The following HBS1L variants were observed in gnomAD, a reference collection of about 807,000 sequenced individuals.
HBS1L encodes the protein HBS1-like protein.
A neutral mutation model predicts 88.9 loss-of-function variants in HBS1L; 55 were observed. The observed-to-expected ratio is 0.62, with a 90% CI of 0.50 to 0.77. The LOEUF is 0.77. Among genes scored for constraint, HBS1L ranks in the 30% least tolerant of loss-of-function variants. HBS1L has a pLI of 0.00. For synonymous variants in HBS1L, 267 were observed against 288.5 expected (o/e 0.93, Z 0.76); for missense variants, 741 against 829.3 (o/e 0.89, Z 1.31).
chr6:134,973,099 C>T (rs1191118515), intron 15 of HBS1L, among the ~76,000 whole-genome samples: 1 of 152,208 alleles, frequency 6.6e-6, no homozygotes, highest in African/African-American at 2.4e-5. Context: ...TAGGCATATG[C>T]CCAAAAGAAT....
chr6:135,002,646 T>C (rs767124012), intron 5 of HBS1L, 88 bp downstream of exon 5: 7 of 743,992 alleles, frequency 9.4e-6, no homozygotes, highest in African/African-American at 3.7e-5. Flanking sequence ...TTATGCGAAA[T>C]TGAAACAGTC....
chr6:134,982,582 C>A lies in HBS1L; in HGVS notation c.1493-20G>T. On this transcript the variant is annotated intron_variant, in intron 12 of 17. Transcript: ENST00000367837. ...CTTGATCTGCAAAACATACCAAAATCTTATGGTTCATACAGCAATGTTATC... is the reference window on the plus strand; with the variant it reads ...CTTGATCTGCAAAACATACCAAAATATTATGGTTCATACAGCAATGTTATC... 7.2e-7 allele frequency: 1 copy of A among 1,395,564 alleles called. No homozygotes were observed. The highest frequency in any genetic ancestry group is 1.0e-6 in the Non-Finnish European group (1 of 982,812). 86.4% of individuals were successfully genotyped at this position (1,395,564 alleles called of 1,614,324 possible). A position where few individuals can be genotyped will look rare whatever the true frequency, so the allele number is the denominator to read the frequency against.
intron 4 of HBS1L, chr6:135,036,467 G>T (rs951339113): frequency 7.3e-7 from 1 of 1,363,756 alleles, no homozygotes; most frequent in African/African-American, 1.5e-5. Context: ...ATAAAAATCA[G>T]AATTTGAATC....
rs564061260 is a variant in HBS1L, at chr6:134,997,449, C to T, written c.747G>A (p.Ala249=). 310 of 1,614,038 alleles carry T rather than the reference C, an allele frequency of 1.9e-4. 6 individuals carry two copies. The South Asian group carries it at 2.2e-3, about 11-fold the overall frequency. The change falls in exon 6 of 18, where the codon GCG becomes GCA. Residue 249 remains alanine, a synonymous_variant. Coordinates refer to ENST00000367837, the MANE Select transcript of HBS1L (RefSeq NM_006620.4). ...GKLRQQIDVK[A]ELEKRQGGKQ... Reference sequence around the variant, plus strand: ...TCCCTCCTTGCCGCTTCTCCAGTTCCGCCTTCACATCTATTTGCTGCCTCA... The same window carrying T: ...TCCCTCCTTGCCGCTTCTCCAGTTCTGCCTTCACATCTATTTGCTGCCTCA...
intron 13 of HBS1L, among the ~76,000 whole-genome samples, chr6:134,981,240 A>G (rs1281959223): frequency 1.3e-5 from 2 of 151,986 alleles, no homozygotes; most frequent in Non-Finnish European, 2.9e-5. Flanking sequence ...TCGTGTTTCA[A>G]AAGTATTATA....
At chr6:134,990,971 A>G (rs151049927) in intron 8 of HBS1L, among the ~76,000 whole-genome samples, 23 of 152,138 alleles carry the variant, frequency 1.5e-4, no homozygotes, top group African/African-American at 5.5e-4. Context: ...CTTTGTAGGC[A>G]TTGCATTCCC....
intron 15 of HBS1L, among the ~76,000 whole-genome samples, chr6:134,970,287 C>T (rs1471179907): frequency 1.3e-5 from 2 of 152,146 alleles, no homozygotes; most frequent in African/African-American, 4.8e-5. Context: ...TGCACACCAC[C>T]GTGCCCAGCT....
chr6:135,017,412 TAA>T (rs1052158887), intron 4 of HBS1L, among the ~76,000 whole-genome samples: 5 of 152,250 alleles, frequency 3.3e-5, no homozygotes, highest in African/African-American at 1.2e-4. Context: ...CAACTGAATG[TAA>T]GAAATATTAC....
intron 2 of HBS1L, among the ~76,000 whole-genome samples, chr6:135,047,886 T>C (rs1300346074): frequency 3.3e-5 from 5 of 152,216 alleles, no homozygotes; most frequent in South Asian, 4.1e-4. Context: ...TGCTGAATTA[T>C]AGGAGCCCCA....
At chr6:135,016,335 G>C (rs1196911076) in intron 4 of HBS1L, among the ~76,000 whole-genome samples, 2 of 152,208 alleles carry the variant, frequency 1.3e-5, no homozygotes, top group Non-Finnish European at 2.9e-5. Flanking sequence ...ATTTCAGAAT[G>C]TCCTAATATA....
At chr6:135,046,170 G>T (rs1200873400) in intron 2 of HBS1L, among the ~76,000 whole-genome samples, 3 of 152,064 alleles carry the variant, frequency 2.0e-5, no homozygotes, top group Non-Finnish European at 4.4e-5. Context: ...CTCTAGCTGG[G>T]ATGCCATTCT....
chr6:135,049,910 GT>G (rs1332521085), intron 2 of HBS1L, among the ~76,000 whole-genome samples: 12 of 152,342 alleles, frequency 7.9e-5, no homozygotes, highest in Admixed American at 7.8e-4. Context: ...TTTAACCTGT[GT>G]AGACAGTAGG....
chr6:134,985,277 G>T, intron 12 of HBS1L, 64 bp downstream of exon 12: 1 of 998,738 alleles, frequency 1.0e-6, no homozygotes, highest in Non-Finnish European at 1.5e-6. Flanking sequence ...GTCCAGGAAA[G>T]GAGGTTAGGA....
chr6:134,993,908 G>A (rs749374440), intron 7 of HBS1L, 33 bp from the exon 8 acceptor site: 14 of 991,224 alleles, frequency 1.4e-5, no homozygotes, highest in East Asian at 2.4e-5. Flanking sequence ...TAGAATGTAC[G>A]ATATAAATAG....
At position 135,050,562 on chromosome 6, in the gene HBS1L, A is replaced by G. The variant is rs1379343819; in HGVS notation, c.109+20T>C. On this transcript the variant is annotated intron_variant, in intron 2 of 17. Transcript: ENST00000367837. ...TTTAAACACCAAATCTAAGGAATCAAATTATTTTTAAAAATTCACCTGTTG... is the reference window on the plus strand; with the variant it reads ...TTTAAACACCAAATCTAAGGAATCAGATTATTTTTAAAAATTCACCTGTTG... The G allele has an allele frequency of 6.6e-7, 1 of 1,526,028 alleles. No homozygotes were observed. The highest frequency in any genetic ancestry group is 1.8e-5 in the Admixed American group (1 of 56,342). 94.5% of individuals were successfully genotyped at this position (1,526,028 alleles called of 1,614,324 possible).
intron 5 of HBS1L, among the ~76,000 whole-genome samples, chr6:135,001,482 C>CCT (rs71724938): frequency 1.3e-5 from 2 of 151,132 alleles, no homozygotes; most frequent in African/African-American, 2.4e-5. Flanking sequence ...TTATTTCCCC[C>CCT]CTCTCTCTCT....
At chr6:135,012,620 C>T (rs1292509408) in intron 4 of HBS1L, among the ~76,000 whole-genome samples, 1 of 152,096 alleles carries the variant, frequency 6.6e-6, no homozygotes, top group Non-Finnish European at 1.5e-5. Flanking sequence ...TAAATTTAGT[C>T]TTTAACACGA....
intron 14 of HBS1L, 79 bp downstream of exon 14, chr6:134,979,099 G>C: frequency 1.1e-6 from 1 of 951,336 alleles, no homozygotes; most frequent in Non-Finnish European, 1.7e-6. Context: ...AATTGAACTA[G>C]CAGGTTGCAA....
intron 4 of HBS1L, among the ~76,000 whole-genome samples, chr6:135,007,185 T>C (rs1162783041): frequency 6.6e-6 from 1 of 152,136 alleles, no homozygotes; most frequent in Non-Finnish European, 1.5e-5. Flanking sequence ...AGAATACTTT[T>C]TGATTTTTTT....
Sources: allele counts gnomAD v4.1 joint callset (sites outside exome capture counted in the v4.1 genomes callset), GRCh38; gene constraint gnomAD v4.1.1; transcripts MANE v1.5; gene names NCBI Gene and HGNC (gene_info 2026-07-23, HGNC 2026-07-21).